MAPK4: variants seen among roughly 807,000 people sequenced by gnomAD.
MAPK4 encodes Erk3-related.
A neutral mutation model predicts 47.7 loss-of-function variants in MAPK4; 22 were observed. The ratio of observed to expected loss-of-function variants is 0.46; its 90% CI spans 0.33 to 0.66. The LOEUF is 0.66. MAPK4 is among the 30% of genes least tolerant of loss of function. The probability of loss-of-function intolerance (pLI) is 0.02; values close to 1 mark genes in which losing one functional copy is unlikely to be tolerated. For missense variants in MAPK4, 736 were observed against 831.7 expected (o/e 0.88, Z 1.42); for synonymous variants, 390 against 365.7 (o/e 1.07, Z -0.76).
chr18:50,646,261 G>A (rs1000485477), intron 1 of MAPK4, among the ~76,000 whole-genome samples: 3 of 152,198 alleles, frequency 2.0e-5, no homozygotes, highest in Non-Finnish European at 4.4e-5. Context: ...CTCCAGCCAA[G>A]GCTGTCCCTG....
intron 1 of MAPK4, among the ~76,000 whole-genome samples, chr18:50,636,230 C>T (rs974883153): frequency 2.0e-5 from 3 of 152,200 alleles, no homozygotes; most frequent in African/African-American, 4.8e-5. Flanking sequence ...TACGTGCTCT[C>T]GCAACGTCAG....
rs573947940 is a variant in MAPK4, at chr18:50,617,656, A to G, written c.-870-45433A>G. Among the ~76,000 whole-genome samples the G allele has an allele frequency of 6.0e-4, 91 of 152,286 alleles. No homozygotes were observed. The South Asian group carries it at 0.018, about 31-fold the overall frequency. Reference sequence around the variant, plus strand: ...GAGATCATTGATTATAACTCTCTTCATGGGCCAATCAGGTGTTATATGAAG... The same window carrying G: ...GAGATCATTGATTATAACTCTCTTCGTGGGCCAATCAGGTGTTATATGAAG... On this transcript the variant is annotated intron_variant, in intron 1 of 5. Coordinates refer to ENST00000400384, the MANE Select transcript of MAPK4 (RefSeq NM_002747.4).
intron 3 of MAPK4, among the ~76,000 whole-genome samples, chr18:50,717,867 C>CA (rs1910724383): frequency 6.6e-6 from 1 of 152,206 alleles, no homozygotes; most frequent in African/African-American, 2.4e-5. Flanking sequence ...AGGAGCTGCC[C>CA]ACTCACCTGT....
chr18:50,694,311 C>T (rs916725480), intron 2 of MAPK4, among the ~76,000 whole-genome samples: 5 of 152,144 alleles, frequency 3.3e-5, no homozygotes, highest in Non-Finnish European at 7.4e-5. Context: ...TCAGGCCACC[C>T]AGGGCCATTA....
At chr18:50,673,211 A>G (rs1046546010) in intron 2 of MAPK4, among the ~76,000 whole-genome samples, 2 of 152,210 alleles carry the variant, frequency 1.3e-5, no homozygotes, top group African/African-American at 4.8e-5. Context: ...TGGGAGGCAG[A>G]GGTTGCCGTG....
At chr18:50,611,125 G>C (rs952203386) in intron 1 of MAPK4, among the ~76,000 whole-genome samples, 3 of 152,168 alleles carry the variant, frequency 2.0e-5, no homozygotes, top group Admixed American at 2.0e-4. Context: ...GCAAAGAGCA[G>C]GTTCTCGCTT....
intron 1 of MAPK4, among the ~76,000 whole-genome samples, chr18:50,613,998 T>TG (rs1320674388): frequency 2.6e-5 from 4 of 152,248 alleles, no homozygotes; most frequent in Non-Finnish European, 5.9e-5. Flanking sequence ...TATTCAACTA[T>TG]ATTGACAATA....
At chr18:50,608,876 G>A (rs531872373) in intron 1 of MAPK4, among the ~76,000 whole-genome samples, 7 of 152,142 alleles carry the variant, frequency 4.6e-5, no homozygotes, top group African/African-American at 7.2e-5. Context: ...GTGGCCTTCC[G>A]CAGTGTTTGT....
intron 1 of MAPK4, among the ~76,000 whole-genome samples, chr18:50,583,561 C>A (rs2042364571): frequency 6.6e-6 from 1 of 152,138 alleles, no homozygotes; most frequent in African/African-American, 2.4e-5. Context: ...TGCACTCCAG[C>A]CTGGGCAACA....
intron 1 of MAPK4, among the ~76,000 whole-genome samples, chr18:50,661,233 A>C (rs1469656107): frequency 5.3e-5 from 8 of 152,148 alleles, no homozygotes; most frequent in Non-Finnish European, 1.2e-4. Flanking sequence ...GAGAAGCTTC[A>C]GTGTAGTTGC....
intron 2 of MAPK4, among the ~76,000 whole-genome samples, chr18:50,690,957 TG>T (rs1336735100): frequency 6.6e-6 from 1 of 151,938 alleles, no homozygotes; most frequent in Non-Finnish European, 1.5e-5. Context: ...CTGTCTTAAC[TG>T]GGGGCACAAA....
intron 2 of MAPK4, among the ~76,000 whole-genome samples, chr18:50,675,340 G>A (rs1022377278): frequency 2.8e-5 from 4 of 143,470 alleles, no homozygotes; most frequent in South Asian, 4.4e-4. Flanking sequence ...TTTTTGAGAC[G>A]GAGTTTGCTC....
intron 1 of MAPK4, among the ~76,000 whole-genome samples, chr18:50,630,374 A>G (rs2042818172): frequency 6.6e-6 from 1 of 152,108 alleles, no homozygotes; most frequent in Non-Finnish European, 1.5e-5. Context: ...TTTTTAACAG[A>G]GACAGGGTTT....
chr18:50,573,982 G>C (rs1387794218), intron 1 of MAPK4, among the ~76,000 whole-genome samples: 1 of 152,158 alleles, frequency 6.6e-6, no homozygotes, highest in Non-Finnish European at 1.5e-5. Context: ...AGATGATATA[G>C]TTACTACCTG....
At chr18:50,665,734 C>T (rs914419378) in intron 2 of MAPK4, among the ~76,000 whole-genome samples, 1 of 152,202 alleles carries the variant, frequency 6.6e-6, no homozygotes, top group African/African-American at 2.4e-5. Context: ...CAAATCAGCC[C>T]AGCTGGCTCT....
chr18:50,662,554 A>T (rs1907329780), intron 1 of MAPK4, among the ~76,000 whole-genome samples: 1 of 152,232 alleles, frequency 6.6e-6, no homozygotes, highest in African/African-American at 2.4e-5. Context: ...GGGCTTCTTC[A>T]ACTTACGTGG....
At chr18:50,640,242 C>A (rs2042927649) in intron 1 of MAPK4, among the ~76,000 whole-genome samples, 1 of 152,160 alleles carries the variant, frequency 6.6e-6, no homozygotes, top group African/African-American at 2.4e-5. Context: ...ACCAAATAGG[C>A]TTTTTACCCC....
chr18:50,634,534 A>G (rs4939641), intron 1 of MAPK4, among the ~76,000 whole-genome samples: 26,041 of 152,044 alleles, frequency 0.17, 2,233 homozygotes, highest in Non-Finnish European at 0.18. Flanking sequence ...GCCTTCTGTC[A>G]TATTTGACTT....
At chr18:50,715,507 C>A (rs991885923) in intron 3 of MAPK4, among the ~76,000 whole-genome samples, 6 of 152,170 alleles carry the variant, frequency 3.9e-5, no homozygotes, top group Admixed American at 3.9e-4. Flanking sequence ...AGGTTGAAAT[C>A]CTAACCCCCA....
Sources: gnomAD v4.1 joint callset for allele counts (sites outside exome capture counted in the v4.1 genomes callset) on GRCh38, gnomAD v4.1.1 for gene constraint, MANE v1.5 for transcripts, NCBI Gene and HGNC (gene_info 2026-07-23, HGNC 2026-07-21) for gene names.